FUT9: variants seen among roughly 807,000 people sequenced by gnomAD.
FUT9 encodes the protein fucosyltransferase 9.
A neutral mutation model predicts 29.7 loss-of-function variants in FUT9; 15 were observed. That is an observed-to-expected ratio of 0.51 (90% CI 0.34 to 0.78). The LOEUF is 0.78. Among genes scored for constraint, FUT9 ranks in the 30% least tolerant of loss-of-function variants. The pLI is 0.01. For synonymous variants in FUT9, 169 were observed against 153.7 expected (o/e 1.10, Z -0.74); for missense variants, 319 against 425.4 (o/e 0.75, Z 2.20).
At chr6:96,131,319 G>A (rs1248573077) in intron 2 of FUT9, among the ~76,000 whole-genome samples, 1 of 151,998 alleles carries the variant, frequency 6.6e-6, no homozygotes, top group Non-Finnish European at 1.5e-5. Context: ...CGAGTAGCTT[G>A]ATTTTTCTCA....
intron 1 of FUT9, among the ~76,000 whole-genome samples, chr6:96,060,029 T>C (rs562475308): frequency 6.6e-6 from 1 of 152,310 alleles, no homozygotes; most frequent in Non-Finnish European, 1.5e-5. Context: ...ACACATTGTG[T>C]CTATTATCTG....
chr6:96,098,360 C>G (rs925746226), intron 1 of FUT9, among the ~76,000 whole-genome samples: 1 of 152,126 alleles, frequency 6.6e-6, no homozygotes, highest in Non-Finnish European at 1.5e-5. Context: ...GTTTAAGATT[C>G]AAGTAATGTT....
intron 1 of FUT9, among the ~76,000 whole-genome samples, chr6:96,075,636 T>G (rs1165232001): frequency 2.0e-5 from 3 of 152,212 alleles, no homozygotes. Context: ...CTTCTTATAA[T>G]ATGAATGTAT....
intron 1 of FUT9, among the ~76,000 whole-genome samples, chr6:96,025,860 A>C (rs188232328): frequency 6.6e-6 from 1 of 151,776 alleles, no homozygotes; most frequent in East Asian, 1.9e-4. Flanking sequence ...GTAGAAAACA[A>C]TAGACTCCTA....
intron 2 of FUT9, among the ~76,000 whole-genome samples, chr6:96,200,815 A>T (rs1773714260): frequency 6.6e-6 from 1 of 152,112 alleles, no homozygotes; most frequent in South Asian, 2.1e-4. Flanking sequence ...TAAGTTCTGG[A>T]GTCTAGATGG....
chr6:96,108,097 T>C (rs1217045102), intron 1 of FUT9, among the ~76,000 whole-genome samples: 1 of 152,040 alleles, frequency 6.6e-6, no homozygotes, highest in African/African-American at 2.4e-5. Flanking sequence ...TGTCCATTAT[T>C]TCCCTCCCTT....
chr6:96,095,461 A>G (rs1463659107), intron 1 of FUT9, among the ~76,000 whole-genome samples: 1 of 152,136 alleles, frequency 6.6e-6, no homozygotes, highest in East Asian at 1.9e-4. Context: ...CCTGTCTAAC[A>G]TACCAACAGC....
intron 2 of FUT9, among the ~76,000 whole-genome samples, chr6:96,149,273 G>A (rs1056207799): frequency 2.0e-5 from 3 of 151,680 alleles, no homozygotes; most frequent in African/African-American, 7.3e-5. Flanking sequence ...TATCACCAGA[G>A]AGCATTTTTT....
intron 2 of FUT9, among the ~76,000 whole-genome samples, chr6:96,147,596 A>G (rs1369066396): frequency 6.6e-6 from 1 of 152,130 alleles, no homozygotes; most frequent in Non-Finnish European, 1.5e-5. Flanking sequence ...TTATAACTGT[A>G]GTTATTAAAC....
intron 1 of FUT9, among the ~76,000 whole-genome samples, chr6:96,089,760 A>G (rs1771379474): frequency 6.6e-6 from 1 of 152,188 alleles, no homozygotes; most frequent in Non-Finnish European, 1.5e-5. Context: ...ATGAGTGGAG[A>G]AAAAAGGAAT....
At chr6:96,095,565 A>T (rs1370328156) in intron 1 of FUT9, among the ~76,000 whole-genome samples, 2 of 151,962 alleles carry the variant, frequency 1.3e-5, no homozygotes, top group Non-Finnish European at 2.9e-5. Context: ...AGAAGTTCAA[A>T]CCCATTCTTC....
chr6:96,198,378 T>G (rs188829359), intron 2 of FUT9, among the ~76,000 whole-genome samples: 413 of 152,134 alleles, frequency 2.7e-3, no homozygotes, highest in African/African-American at 8.8e-3. Context: ...TTTGGTTTTT[T>G]GTTCTTGCAA....
intron 2 of FUT9, among the ~76,000 whole-genome samples, chr6:96,202,184 C>T (rs1354793536): frequency 2.6e-5 from 4 of 151,576 alleles, no homozygotes; most frequent in South Asian, 2.1e-4. Flanking sequence ...GCATGAATGC[C>T]GAAGAGAAAA....
chr6:96,027,451 C>T (rs556488929), intron 1 of FUT9, among the ~76,000 whole-genome samples: 2 of 151,588 alleles, frequency 1.3e-5, no homozygotes, highest in East Asian at 3.9e-4. Context: ...TTTTCTCTCT[C>T]TCTTGCGTTC....
intron 1 of FUT9, among the ~76,000 whole-genome samples, chr6:96,021,972 A>C (rs140130431): frequency 6.6e-6 from 1 of 152,182 alleles, no homozygotes; most frequent in Non-Finnish European, 1.5e-5. Flanking sequence ...TTCAATTTTT[A>C]CATGAGAGGG....
chr6:96,198,870 G>A (rs1335189197), intron 2 of FUT9, among the ~76,000 whole-genome samples: 2 of 152,142 alleles, frequency 1.3e-5, no homozygotes, highest in African/African-American at 2.4e-5. Flanking sequence ...GATGGTCAGT[G>A]ATGGTGAGCA....
intron 2 of FUT9, among the ~76,000 whole-genome samples, chr6:96,129,820 A>G (rs975149016): frequency 3.3e-5 from 5 of 152,124 alleles, no homozygotes; most frequent in Non-Finnish European, 7.4e-5. Context: ...TCATGCAAAT[A>G]CAGGTAGTAT....
rs751875286 is a variant in FUT9, at chr6:96,211,199, G to A, written c.*6964G>A. The A allele has an allele frequency of 4.1e-4, 69 of 166,710 alleles. No individual in the cohort carries two copies. The highest frequency in any genetic ancestry group is 7.9e-4 in the Admixed American group (12 of 15,226). The allele number at this position is 166,710 out of a possible 1,614,324, so 10.3% of individuals were successfully genotyped here. On this transcript the variant is annotated 3_prime_UTR_variant, in exon 3 of 3. Coordinates refer to ENST00000302103, the MANE Select transcript of FUT9 (RefSeq NM_006581.4). Reference sequence around the variant, plus strand: ...AGTTACGGAAGGGGTGTGAGGAGCTGGCAGTGGTGGTGAATAGGCATTGTT... The same window carrying A: ...AGTTACGGAAGGGGTGTGAGGAGCTAGCAGTGGTGGTGAATAGGCATTGTT...
chr6:96,185,148 G>T (rs1243215093), intron 2 of FUT9, among the ~76,000 whole-genome samples: 4 of 66,986 alleles, frequency 6.0e-5, no homozygotes, highest in Non-Finnish European at 1.5e-4. Context: ...AATATTTTTA[G>T]AATTTTTTTT....
Sources: allele counts gnomAD v4.1 joint callset (sites outside exome capture counted in the v4.1 genomes callset), GRCh38; gene constraint gnomAD v4.1.1; transcripts MANE v1.5; gene names NCBI Gene and HGNC (gene_info 2026-07-23, HGNC 2026-07-21).